IKZF2: variants seen among roughly 807,000 people sequenced by gnomAD.
IKZF2 encodes the protein IKAROS family zinc finger 2.
IKZF2 carries 15 observed loss-of-function variants against 49.2 expected under a neutral mutation model. The observed-to-expected ratio is 0.30, with a 90% CI of 0.20 to 0.47. The LOEUF (loss-of-function observed/expected upper bound fraction) is 0.47. IKZF2 is among the 20% of genes least tolerant of loss of function. IKZF2 has a pLI of 1.00. For synonymous variants in IKZF2, 227 were observed against 221.4 expected, an observed-to-expected ratio of 1.03 and a Z score of -0.23; for missense variants, 567 against 664.6, an observed-to-expected ratio of 0.85 and a Z score of 1.61.
intron 4 of IKZF2, among the ~76,000 whole-genome samples, chr2:213,132,683 C>T (rs2060512833): frequency 6.6e-6 from 1 of 152,122 alleles, no homozygotes; most frequent in Non-Finnish European, 1.5e-5. Context: ...ATCCTAAAAA[C>T]TCACTCTGGA....
chr2:213,079,875 C>A (rs1052461418), intron 4 of IKZF2, among the ~76,000 whole-genome samples: 1 of 152,148 alleles, frequency 6.6e-6, no homozygotes, highest in Non-Finnish European at 1.5e-5. Context: ...CTAAATGAAC[C>A]ACACTTTGTA....
chr2:213,041,591 C>T (rs1460581211), intron 6 of IKZF2, among the ~76,000 whole-genome samples: 3 of 152,012 alleles, frequency 2.0e-5, no homozygotes, highest in Non-Finnish European at 2.9e-5. Context: ...TGTGAGCCAC[C>T]GTGCCCGGCC....
At chr2:213,013,639 G>A in intron 8 of IKZF2, 152 bp downstream of exon 8, 1 of 649,054 alleles carries the variant, frequency 1.5e-6, no homozygotes, top group Admixed American at 2.9e-5. Context: ...GGTGTACACA[G>A]AATGTCAGAG....
chr2:213,036,015 A>G (rs1375647745), intron 6 of IKZF2, among the ~76,000 whole-genome samples: 2 of 152,096 alleles, frequency 1.3e-5, no homozygotes, highest in Non-Finnish European at 2.9e-5. Flanking sequence ...TTTTTTTGCT[A>G]TATCAGATCA....
At chr2:213,061,973 C>T (rs572963550) in intron 4 of IKZF2, among the ~76,000 whole-genome samples, 1 of 151,626 alleles carries the variant, frequency 6.6e-6, no homozygotes, top group East Asian at 1.9e-4. Context: ...TTCACAAAGT[C>T]ACCCATTTGT....
chr2:213,146,347 A>G (rs976315609), intron 4 of IKZF2, among the ~76,000 whole-genome samples: 1 of 152,106 alleles, frequency 6.6e-6, no homozygotes, highest in Admixed American at 6.5e-5. Flanking sequence ...GATTAGTATG[A>G]TAATTTAGTA....
intron 4 of IKZF2, among the ~76,000 whole-genome samples, chr2:213,063,155 T>C (rs959105087): frequency 6.6e-6 from 1 of 152,044 alleles, no homozygotes; most frequent in Non-Finnish European, 1.5e-5. Context: ...CTGGTGTCAC[T>C]GAGCTGCAGC....
At chr2:213,027,161 A>G (rs186344830) in intron 6 of IKZF2, among the ~76,000 whole-genome samples, 32 of 152,128 alleles carry the variant, frequency 2.1e-4, no homozygotes, top group African/African-American at 7.5e-4. Context: ...AGGTTTAGAG[A>G]TAATCTATTG....
chr2:213,059,894 A>G (rs1045153760), intron 4 of IKZF2, among the ~76,000 whole-genome samples: 3 of 151,478 alleles, frequency 2.0e-5, no homozygotes, highest in Non-Finnish European at 4.4e-5. Context: ...TAAAACCGAA[A>G]TAGACAAGAA....
rs554656534 is a variant in IKZF2 at position 213,000,614 on chromosome 2, T to G, written c.*6746A>C. 1 of 151,980 alleles carries G rather than the reference T, an allele frequency of 6.6e-6. No homozygotes were observed. Among genetic ancestry groups the G allele is most frequent in the Admixed American group, 6.6e-5 (1 of 15,182 alleles). The allele number at this position is 151,980 out of a possible 1,614,324, so 9.4% of individuals were successfully genotyped here. On this transcript the variant is annotated 3_prime_UTR_variant, in exon 9 of 9. Coordinates refer to ENST00000434687, the MANE Select transcript of IKZF2 (RefSeq NM_001387220.1). ...AAAAAAAGAAAATTAGCACACTACATATAAATATGTATAAGAAAAATACCT... is the reference window on the plus strand; with the variant it reads ...AAAAAAAGAAAATTAGCACACTACAGATAAATATGTATAAGAAAAATACCT...
rs569069998 is a variant in IKZF2 at position 213,147,461 on chromosome 2, C to A, written c.139+247G>T. On this transcript the variant is annotated intron_variant, in intron 4 of 8. Coordinates refer to ENST00000434687, the MANE Select transcript of IKZF2 (RefSeq NM_001387220.1). ...CAAAACAACAACCAGCAAATTCTAA[C>A]CTTTCTTACCTGATACAGGTAAGCA... 25 of 579,618 alleles carry A rather than the reference C, an allele frequency of 4.3e-5. 1 individual carries two copies. Among genetic ancestry groups the A allele is most frequent in the Non-Finnish European group, 6.7e-5 (22 of 327,778 alleles). 35.9% of individuals were successfully genotyped at this position (579,618 alleles called of 1,614,324 possible). A position where few individuals can be genotyped will look rare whatever the true frequency, so the allele number is the denominator to read the frequency against.
chr2:213,103,058 C>A (rs76461247), intron 4 of IKZF2, among the ~76,000 whole-genome samples: 2,193 of 152,234 alleles, frequency 0.014, 22 homozygotes, highest in Middle Eastern at 0.027. Flanking sequence ...CCACGTTACT[C>A]ACATGTTCTA....
At chr2:213,015,222 T>C (rs1310282200) in intron 7 of IKZF2, 2 of 152,074 alleles carry the variant, frequency 1.3e-5, no homozygotes, top group Admixed American at 1.3e-4. Flanking sequence ...AAATCAACAT[T>C]CCATCCAAGT....
intron 4 of IKZF2, among the ~76,000 whole-genome samples, chr2:213,078,049 A>C (rs924592359): frequency 1.3e-5 from 2 of 152,120 alleles, no homozygotes; most frequent in Non-Finnish European, 2.9e-5. Flanking sequence ...TTATGATCCT[A>C]CTAAGGATCC....
At chr2:213,148,562 T>C (rs754111509) in intron 3 of IKZF2, 34 bp downstream of exon 3, 5 of 1,519,594 alleles carry the variant, frequency 3.3e-6, no homozygotes, top group Non-Finnish European at 4.5e-6. Context: ...GCAACTTTAT[T>C]ACCAATAACA....
At position 213,007,940 on chromosome 2, in the gene IKZF2, T is replaced by C. The variant is rs753973589; in HGVS notation, c.1001A>G (p.His334Arg). 16 of 1,613,478 alleles carry C rather than the reference T, an allele frequency of 9.9e-6. No homozygotes were observed. The highest frequency in any genetic ancestry group is 1.3e-5 in the Non-Finnish European group (15 of 1,179,692). ...GCTTGGCGGGTGCTGCATCAGAGGG[T>C]GAAGGGCCTCAGCTCCAAGGTAGGT... ...AITYLGAEAL[H>R]PLMQHPPSTI... Residue 334 changes from histidine to arginine, a missense_variant, in exon 9 of 9, where the codon CAC becomes CGC. By Grantham distance (29) the His-to-Arg change is conservative (BLOSUM62 0). Coordinates refer to ENST00000434687, the MANE Select transcript of IKZF2 (RefSeq NM_001387220.1).
At chr2:213,037,305 C>T (rs1574573456) in intron 6 of IKZF2, among the ~76,000 whole-genome samples, 1 of 152,138 alleles carries the variant, frequency 6.6e-6, no homozygotes. Context: ...GTGAAAAGAG[C>T]TGCATAGAAT....
chr2:213,083,970 C>G (rs1287630281), intron 4 of IKZF2, among the ~76,000 whole-genome samples: 1 of 152,060 alleles, frequency 6.6e-6, no homozygotes, highest in African/African-American at 2.4e-5. Flanking sequence ...AACCATCCCC[C>G]ACTAACCCTC....
chr2:213,007,249 TA>T lies in IKZF2; in HGVS notation c.*110del, dbSNP rs928745814. The stretch of plus-strand genomic sequence containing the variant: ...TAAGAATTATCAACAGTAATAATAT[TA>T]AAAAAAATAAAAGGTATGTCAACAT... On this transcript the variant is annotated 3_prime_UTR_variant, in exon 9 of 9. Coordinates refer to ENST00000434687, the MANE Select transcript of IKZF2 (RefSeq NM_001387220.1). 51 of 1,156,684 alleles carry T rather than the reference TA, an allele frequency of 4.4e-5. No homozygotes were observed. The highest frequency in any genetic ancestry group is 3.0e-4 in the Middle Eastern group (1 of 3,336). 71.7% of individuals were successfully genotyped at this position (1,156,684 alleles called of 1,614,324 possible).
Sources: allele counts gnomAD v4.1 joint callset (sites outside exome capture counted in the v4.1 genomes callset), GRCh38; gene constraint gnomAD v4.1.1; transcripts MANE v1.5; gene names NCBI Gene and HGNC (gene_info 2026-07-23, HGNC 2026-07-21).